Variants in OPRM1 observed in about 807,000 individuals in gnomAD.
The protein encoded by OPRM1 is opioid receptor mu 1.
OPRM1 carries 27 observed loss-of-function variants against 31.8 expected under a neutral mutation model. That is an observed-to-expected ratio of 0.85 (90% CI 0.63 to 1.17). The LOEUF (loss-of-function observed/expected upper bound fraction) is 1.17, where lower values mean the gene tolerates loss of function less well. OPRM1 is among the 50% of genes most tolerant of loss of function. OPRM1 has a pLI of 0.00. For synonymous variants in OPRM1, 196 were observed against 189.9 expected, an observed-to-expected ratio of 1.03 and a Z score of -0.26; for missense variants, 536 against 511.1, an observed-to-expected ratio of 1.05 and a Z score of -0.47.
intron 1 of OPRM1, among the ~76,000 whole-genome samples, chr6:154,025,282 G>T (rs1778631189): frequency 6.6e-6 from 1 of 151,794 alleles, no homozygotes; most frequent in African/African-American, 2.4e-5. Flanking sequence ...AACCTTCTTT[G>T]TCTCTCCTTG....
intron 3 of OPRM1, among the ~76,000 whole-genome samples, chr6:154,243,758 G>T (rs1780793438): frequency 6.6e-6 from 1 of 152,114 alleles, no homozygotes; most frequent in African/African-American, 2.4e-5. Context: ...GGAGTCCAAG[G>T]GACCTGAATG....
At chr6:154,047,977 GCT>G (rs1781488814) in intron 1 of OPRM1, among the ~76,000 whole-genome samples, 2 of 152,158 alleles carry the variant, frequency 1.3e-5, no homozygotes, top group African/African-American at 4.8e-5. Context: ...AGGCAAGGAA[GCT>G]CTCTAGGGCC....
chr6:154,149,209 G>A (rs181077374), intron 3 of OPRM1, among the ~76,000 whole-genome samples: 14 of 152,292 alleles, frequency 9.2e-5, no homozygotes, highest in Non-Finnish European at 1.3e-4. Flanking sequence ...CTTAACAATC[G>A]TGGTAGAAGG....
intron 3 of OPRM1, among the ~76,000 whole-genome samples, chr6:154,105,646 G>A (rs1795463250): frequency 6.6e-6 from 1 of 152,176 alleles, no homozygotes; most frequent in Admixed American, 6.5e-5. Flanking sequence ...GCTTACTTCT[G>A]TGGCACACAG....
At chr6:154,158,935 T>C (rs1798821235) in intron 3 of OPRM1, 1 of 152,162 alleles carries the variant, frequency 6.6e-6, no homozygotes, top group African/African-American at 2.4e-5. Flanking sequence ...AGTAAAGATA[T>C]TAAAACAATT....
At chr6:154,010,609 T>G (rs1480882780) in exon 1 of OPRM1, 4 of 1,527,978 alleles carry the variant, frequency 2.6e-6, no homozygotes, top group Non-Finnish European at 1.8e-6. Flanking sequence ...GTGTGATCTG[T>G]CACAATATTG....
At chr6:154,203,409 T>C (rs1002713390) in intron 3 of OPRM1, among the ~76,000 whole-genome samples, 1 of 152,172 alleles carries the variant, frequency 6.6e-6, no homozygotes, top group Non-Finnish European at 1.5e-5. Context: ...CCTTGAACAG[T>C]AGGGATTCAA....
chr6:154,239,556 C>T (rs1780408434), intron 3 of OPRM1, among the ~76,000 whole-genome samples: 1 of 152,190 alleles, frequency 6.6e-6, no homozygotes, highest in Non-Finnish European at 1.5e-5. Context: ...AAACCGGTCA[C>T]CTACAGCTGC....
chr6:154,046,634 T>G (rs2128408093), intron 1 of OPRM1: 1 of 152,280 alleles, frequency 6.6e-6, no homozygotes, highest in African/African-American at 2.4e-5. Flanking sequence ...AGCAACTCCT[T>G]TCTTTACCCA....
intron 1 of OPRM1, among the ~76,000 whole-genome samples, chr6:154,041,187 T>G (rs1475717303): frequency 1.3e-5 from 2 of 152,212 alleles, no homozygotes; most frequent in Non-Finnish European, 2.9e-5. Context: ...CTTTAATTAA[T>G]GATTTTTAAA....
rs61209522 is a variant in OPRM1 at position 154,019,747 on chromosome 6, C to CTTTTCTTT, written c.-1+8733_-1+8734insCTTTTTTT. On this transcript the variant is annotated intron_variant, in intron 1 of 5. Transcript: ENST00000434900. ...TAGTGGCTTTCTTTTCTTTTCTTTTCTTTTTTTTTTTTTTTTTTGAGACAG... is the reference window on the plus strand; with the variant it reads ...TAGTGGCTTTCTTTTCTTTTCTTTTCTTTTCTTTTTTTTTTTTTTTTTTTTTGAGACAG... Among the ~76,000 whole-genome samples the CTTTTCTTT allele has an allele frequency of 4.0e-3, 483 of 121,980 alleles. 6 individuals are homozygous for CTTTTCTTT. Among genetic ancestry groups the CTTTTCTTT allele is most frequent in the African/African-American group, 0.016 (459 of 29,350 alleles). The allele number at this position is 121,980 out of a possible 152,430, so 80.0% of individuals were successfully genotyped here.
At chr6:154,029,443 A>G (rs1396864106) in intron 1 of OPRM1, among the ~76,000 whole-genome samples, 2 of 152,240 alleles carry the variant, frequency 1.3e-5, no homozygotes, top group Admixed American at 6.5e-5. Flanking sequence ...TTTCATTCAC[A>G]TACACTAAAG....
chr6:154,019,728 CTTTCT>C (rs575009900), intron 1 of OPRM1, among the ~76,000 whole-genome samples: 13 of 144,372 alleles, frequency 9.0e-5, no homozygotes, highest in South Asian at 2.2e-4. Flanking sequence ...AGCTTAGTGG[CTTTCT>C]TTTCTTTTCT....
At chr6:154,100,051 C>A (rs1444609552) in intron 3 of OPRM1, among the ~76,000 whole-genome samples, 6 of 125,908 alleles carry the variant, frequency 4.8e-5, no homozygotes, top group African/African-American at 9.1e-5. Flanking sequence ...TGATATATAT[C>A]ATATGATATA....
At chr6:154,031,832 T>G (rs935232361) in intron 1 of OPRM1, among the ~76,000 whole-genome samples, 127 of 151,656 alleles carry the variant, frequency 8.4e-4, no homozygotes, top group African/African-American at 2.9e-3. Flanking sequence ...AGAAAGAGCA[T>G]GGCAAGTACA....
intron 3 of OPRM1, among the ~76,000 whole-genome samples, chr6:154,244,484 A>G (rs566079413): frequency 6.6e-6 from 1 of 152,296 alleles, no homozygotes; most frequent in South Asian, 2.1e-4. Context: ...GTATTCAAGT[A>G]CATGCTTTGC....
At chr6:154,065,798 A>C (rs1785277657) in intron 1 of OPRM1, among the ~76,000 whole-genome samples, 1 of 151,888 alleles carries the variant, frequency 6.6e-6, no homozygotes, top group Non-Finnish European at 1.5e-5. Flanking sequence ...TAGAACTCTC[A>C]TGCTACATAG....
chr6:154,112,790 GA>G (rs2128519521), intron 3 of OPRM1, among the ~76,000 whole-genome samples: 1 of 152,262 alleles, frequency 6.6e-6, no homozygotes, highest in Non-Finnish European at 1.5e-5. Context: ...TCAGCAACTT[GA>G]ATTAGACATA....
chr6:154,104,627 A>T (rs913057116), intron 3 of OPRM1, among the ~76,000 whole-genome samples: 1 of 152,250 alleles, frequency 6.6e-6, no homozygotes, highest in East Asian at 1.9e-4. Flanking sequence ...AGTGTACCAT[A>T]GTTTTTGAAA....
Sources: gnomAD v4.1 joint callset for allele counts (sites outside exome capture counted in the v4.1 genomes callset) on GRCh38, gnomAD v4.1.1 for gene constraint, MANE v1.5 for transcripts, NCBI Gene and HGNC (gene_info 2026-07-23, HGNC 2026-07-21) for gene names.